The following ZNF440 variants were observed in gnomAD, a reference collection of about 807,000 sequenced individuals.
The protein encoded by ZNF440 is zinc finger protein 440.
A neutral mutation model predicts 49.7 loss-of-function variants in ZNF440; 47 were observed. The observed-to-expected ratio is 0.95, with a 90% CI of 0.75 to 1.21. The LOEUF is 1.21. Ranked by LOEUF, ZNF440 falls within the 50% of genes most tolerant of loss-of-function variation. ZNF440 has a pLI of 0.00. For synonymous variants in ZNF440, 255 were observed against 237.7 expected, an observed-to-expected ratio of 1.07 and a Z score of -0.67; for missense variants, 703 against 715.0, an observed-to-expected ratio of 0.98 and a Z score of 0.19.
chr19:11,822,026 G>C (rs781607631), intron 1 of ZNF440, among the ~76,000 whole-genome samples: 3 of 152,232 alleles, frequency 2.0e-5, no homozygotes, highest in African/African-American at 7.2e-5. Flanking sequence ...GCGTTTCTTG[G>C]GGTCTAGGGA....
At position 11,832,385 on chromosome 19, in the gene ZNF440, A is replaced by G. The variant is rs752259210; in HGVS notation, c.1209A>G (p.Lys403=). 2 of 1,613,926 alleles carry G rather than the reference A, an allele frequency of 1.2e-6. No homozygotes were observed. The highest frequency in any genetic ancestry group is 1.7e-6 in the Non-Finnish European group (2 of 1,179,878). ...EKPYECKQCG[K]AFRSASHLRV... Reference sequence around the variant, plus strand: ...CCTATGAGTGTAAGCAATGTGGGAAAGCCTTCAGATCTGCCTCACACCTTC... The same window carrying G: ...CCTATGAGTGTAAGCAATGTGGGAAGGCCTTCAGATCTGCCTCACACCTTC... The change falls in exon 4 of 4, where the codon AAA becomes AAG. Residue 403 remains lysine (K), a synonymous_variant. Transcript: ENST00000304060.
chr19:11,819,092 G>A (rs1975767387), intron 1 of ZNF440, among the ~76,000 whole-genome samples: 1 of 152,022 alleles, frequency 6.6e-6, no homozygotes, highest in Admixed American at 6.6e-5. Flanking sequence ...TGGATGGCTT[G>A]ATCTCAGGAG....
Position 11,832,022 on chromosome 19 carries a change from G to A in ZNF440, c.846G>A (p.Lys282=). 6.2e-7 allele frequency: 1 copy of A among 1,613,976 alleles called. No individual in the cohort carries two copies. Among genetic ancestry groups the A allele is most frequent in the East Asian group, 2.2e-5 (1 of 44,852 alleles). ...ATGAAAGGATTCACATGGGAGAAAA[G>A]GCTTATCAATGTAAGGAATGTGGAA... is the stretch of plus-strand genomic sequence containing the variant. ...RRHERIHMGE[K]AYQCKECGKA... is the part of the protein sequence containing the mutation. The change falls in exon 4 of 4, where the codon AAG becomes AAA. Residue 282 remains lysine, a synonymous_variant. Coordinates refer to ENST00000304060, the MANE Select transcript of ZNF440 (RefSeq NM_152357.3).
intron 3 of ZNF440, 99 bp from the exon 4 acceptor site, chr19:11,831,269 T>G (rs1373575602): frequency 2.1e-6 from 3 of 1,458,618 alleles, no homozygotes; most frequent in Admixed American, 2.4e-5. Context: ...AAGCCTACAC[T>G]TTGATGGAGA....
At chr19:11,828,129 T>TA (rs1389538181) in intron 1 of ZNF440, among the ~76,000 whole-genome samples, 4 of 152,218 alleles carry the variant, frequency 2.6e-5, no homozygotes, top group Non-Finnish European at 5.9e-5. Context: ...AATGGAACAC[T>TA]AGGCATAAAT....
chr19:11,832,846 C>T lies in ZNF440; in HGVS notation c.1670C>T (p.Thr557Ile), dbSNP rs753445699. The change falls in exon 4 of 4, where the codon ACC (threonine) becomes ATC (isoleucine). Residue 557 changes from threonine to isoleucine, a missense_variant. Transcript: ENST00000304060. ...GGAAAGCCTTCAGATCTGCCCCACA[C>T]CTTTGAATACGTGGTAGGACACACA... is the stretch of plus-strand genomic sequence containing the variant. ...NDGKPSDLPH[T>I]FEYVVGHTME... is the part of the protein sequence containing the mutation. The T allele has an allele frequency of 5.0e-5, 80 of 1,612,368 alleles. No individual in the cohort carries two copies. The highest frequency in any genetic ancestry group is 1.7e-5 in the Admixed American group (1 of 59,946).
At chr19:11,815,045 G>A (rs1347662380) in intron 1 of ZNF440, among the ~76,000 whole-genome samples, 1 of 152,082 alleles carries the variant, frequency 6.6e-6, no homozygotes, top group Non-Finnish European at 1.5e-5. Flanking sequence ...GGAGGCCGAG[G>A]CAGGCGGATC....
intron 1 of ZNF440, among the ~76,000 whole-genome samples, chr19:11,826,634 T>C (rs1975869443): frequency 6.6e-6 from 1 of 150,424 alleles, no homozygotes; most frequent in Admixed American, 6.7e-5. Context: ...GGTGCTTCAT[T>C]GTTGTTTTCC....
chr19:11,821,256 A>C (rs1975796408), intron 1 of ZNF440, among the ~76,000 whole-genome samples: 1 of 151,682 alleles, frequency 6.6e-6, no homozygotes, highest in African/African-American at 2.4e-5. Context: ...AGCCGGAGTC[A>C]CTCCTCCCAG....
chr19:11,831,618 C>T lies in ZNF440; in HGVS notation c.442C>T (p.Gln148Ter), dbSNP rs200311015. The change falls in exon 4 of 4, where the codon CAA (glutamine) becomes TAA (stop). Residue 148 changes from glutamine (Q) to a stop codon, truncating the protein, a stop_gained. Transcript: ENST00000304060. LOFTEE classifies it high-confidence loss of function. ...EYGPKPCKCQ[Q>*]PKKAFRYRPS... ...TGGACCAAAGCCATGTAAGTGTCAA[C>T]AACCTAAAAAAGCCTTCAGATACCG... 4.7e-5 allele frequency: 76 copies of T among 1,614,028 alleles called. No homozygotes were observed. Among genetic ancestry groups the T allele is most frequent in the Non-Finnish European group, 2.5e-6 (3 of 1,180,034 alleles).
rs1338325918 is a variant in ZNF440 at position 11,831,558 on chromosome 19, G to A, written c.382G>A (p.Asp128Asn). The change falls in exon 4 of 4, where the codon GAC becomes AAC. Residue 128 changes from aspartate to asparagine, a missense_variant. Asp to Asn is a conservative substitution (Grantham distance 23). Transcript: ENST00000304060. ...NSSFNMNIRGDIGHKAYEYQE... is the reference protein window; with the variant it reads ...NSSFNMNIRGNIGHKAYEYQE... Reference sequence around the variant, plus strand: ...ATCTTTTAATATGAACATCAGAGGTGACATTGGACACAAGGCATATGAGTA... The same window carrying A: ...ATCTTTTAATATGAACATCAGAGGTAACATTGGACACAAGGCATATGAGTA... 1.2e-6 allele frequency: 2 copies of A among 1,613,928 alleles called. No individual in the cohort carries two copies. The highest frequency in any genetic ancestry group is 2.7e-5 in the African/African-American group (2 of 74,886).
In ZNF440 at chr19:11,814,740, G is replaced by A. The variant is rs1975710737; in HGVS notation, c.3+290G>A. 3.3e-5 allele frequency among the ~76,000 whole-genome samples: 5 copies of A among 152,210 alleles called. No homozygotes were observed. In the South Asian group the frequency reaches 8.3e-4, roughly 25 times the overall value. On this transcript the variant is annotated intron_variant, in intron 1 of 3. Coordinates refer to ENST00000304060, the MANE Select transcript of ZNF440 (RefSeq NM_152357.3). Reference sequence around the variant, plus strand: ...GGGGGGATCCCGCCTCGGATATGGGGTTTGTTAGAAACAAGTGCCCGGTGC... The same window carrying A: ...GGGGGGATCCCGCCTCGGATATGGGATTTGTTAGAAACAAGTGCCCGGTGC...
At chr19:11,831,036 G>A (rs1424714467) in intron 3 of ZNF440, among the ~76,000 whole-genome samples, 1 of 152,194 alleles carries the variant, frequency 6.6e-6, no homozygotes, top group African/African-American at 2.4e-5. Flanking sequence ...GCCAGTAAAG[G>A]CTGCAGTAAG....
rs771971997 is a variant in ZNF440 at position 11,831,620 on chromosome 19, A to G, written c.444A>G (p.Gln148=). 10 of 1,614,196 alleles carry G rather than the reference A, an allele frequency of 6.2e-6. No homozygotes were observed. The Admixed American group carries it at 1.7e-4, about 27-fold the overall frequency. Residue 148 remains glutamine, a synonymous_variant, in exon 4 of 4, where the codon CAA becomes CAG. Transcript: ENST00000304060. ...EYGPKPCKCQ[Q]PKKAFRYRPS... ...GACCAAAGCCATGTAAGTGTCAACA[A>G]CCTAAAAAAGCCTTCAGATACCGCC... is the stretch of plus-strand genomic sequence containing the variant.
In ZNF440 at chr19:11,830,368, G is replaced by A. The variant is rs375828267; in HGVS notation, c.89G>A (p.Arg30Lys). ...GATATTTCCCAGAGGAAACTCTACA[G>A]GGAAGTGATGCTGGAAACTTTCAGG... ...LLDISQRKLYREVMLETFRNL... is the reference protein window; with the variant it reads ...LLDISQRKLYKEVMLETFRNL... The change falls in exon 2 of 4, where the codon AGG becomes AAG. Residue 30 changes from arginine to lysine, a missense_variant. Coordinates refer to ENST00000304060, the MANE Select transcript of ZNF440 (RefSeq NM_152357.3). 2.6e-4 allele frequency: 426 copies of A among 1,614,046 alleles called. No individual in the cohort carries two copies. The highest frequency in any genetic ancestry group is 3.4e-4 in the Non-Finnish European group (406 of 1,180,042).
At chr19:11,821,970 C>T (rs1459715496) in intron 1 of ZNF440, among the ~76,000 whole-genome samples, 2 of 152,222 alleles carry the variant, frequency 1.3e-5, no homozygotes, top group Non-Finnish European at 2.9e-5. Context: ...GATGCACATT[C>T]AACCAGTAGG....
Position 11,833,230 on chromosome 19 carries a change from G to C in ZNF440, c.*266G>C. ...TTCATAAAAGGACACACACTGGAGAGAAACCCTGTGAATGTAAGAAATGTA... is the reference window on the plus strand; with the variant it reads ...TTCATAAAAGGACACACACTGGAGACAAACCCTGTGAATGTAAGAAATGTA... On this transcript the variant is annotated 3_prime_UTR_variant, in exon 4 of 4. Transcript: ENST00000304060. 1 of 920,236 alleles carries C rather than the reference G, an allele frequency of 1.1e-6. No homozygotes were observed. The highest frequency in any genetic ancestry group is 1.6e-5 in the South Asian group (1 of 63,178). 57.0% of individuals were successfully genotyped at this position (920,236 alleles called of 1,614,324 possible). A position where few individuals can be genotyped will look rare whatever the true frequency, so the allele number is the denominator to read the frequency against.
chr19:11,827,164 A>G (rs1263102617), intron 1 of ZNF440, among the ~76,000 whole-genome samples: 1 of 150,238 alleles, frequency 6.7e-6, no homozygotes, highest in East Asian at 2.0e-4. Context: ...CCCGGGTTCC[A>G]GTGATTCTCC....
At position 11,832,053 on chromosome 19, in the gene ZNF440, T is replaced by A; in HGVS notation, c.877T>A (p.Phe293Ile). ...AYQCKECGKAFTCPRYVRIHE... is the reference protein window; with the variant it reads ...AYQCKECGKAITCPRYVRIHE... ...TCAATGTAAGGAATGTGGAAAAGCATTCACGTGTCCCCGTTATGTTCGTAT... is the reference window on the plus strand; with the variant it reads ...TCAATGTAAGGAATGTGGAAAAGCAATCACGTGTCCCCGTTATGTTCGTAT... Residue 293 changes from phenylalanine to isoleucine, a missense_variant, in exon 4 of 4, where the codon TTC (phenylalanine) becomes ATC (isoleucine). Coordinates refer to ENST00000304060, the MANE Select transcript of ZNF440 (RefSeq NM_152357.3). 1 of 1,614,138 alleles carries A rather than the reference T, an allele frequency of 6.2e-7. No homozygotes were observed. Among genetic ancestry groups the A allele is most frequent in the Non-Finnish European group, 8.5e-7 (1 of 1,180,012 alleles).
Sources: allele counts gnomAD v4.1 joint callset (sites outside exome capture counted in the v4.1 genomes callset), GRCh38; gene constraint gnomAD v4.1.1; transcripts MANE v1.5; gene names NCBI Gene and HGNC (gene_info 2026-07-23, HGNC 2026-07-21).